Variants in SEMA5A observed in about 807,000 individuals in gnomAD.
SEMA5A encodes the protein semaphorin 5A.
SEMA5A carries 55 observed loss-of-function variants against 135.5 expected under a neutral mutation model. The ratio of observed to expected loss-of-function variants is 0.41; its 90% CI spans 0.33 to 0.51. SEMA5A has a LOEUF of 0.51. SEMA5A is among the 20% of genes least tolerant of loss of function. The probability of loss-of-function intolerance (pLI) is 0.37; values close to 1 mark genes in which losing one functional copy is unlikely to be tolerated. For synonymous variants in SEMA5A, 580 were observed against 546.5 expected (o/e 1.06, Z -0.85); for missense variants, 1,290 against 1,419.9 (o/e 0.91, Z 1.47).
chr5:9,427,394 C>T lies in SEMA5A; in HGVS notation c.-78+10362G>A, dbSNP rs74993527. 3.7e-3 allele frequency among the ~76,000 whole-genome samples: 558 copies of T among 152,036 alleles called. 9 individuals are homozygous for T. In the East Asian group the frequency reaches 0.046, roughly 13 times the overall value. On this transcript the variant is annotated intron_variant, in intron 2 of 22. Coordinates refer to ENST00000382496, the MANE Select transcript of SEMA5A (RefSeq NM_003966.3). ...CATACAACTACATATCAAGTTGAGT[C>T]GAGAAGAAAGGAATTTCAGGAAAAT...
intron 12 of SEMA5A, among the ~76,000 whole-genome samples, chr5:9,139,527 G>A (rs1741948744): frequency 6.6e-6 from 1 of 152,174 alleles, no homozygotes; most frequent in African/African-American, 2.4e-5. Context: ...TAGCATAGAT[G>A]AATATACTTT....
At chr5:9,480,194 C>T (rs1265802007) in intron 1 of SEMA5A, among the ~76,000 whole-genome samples, 1 of 152,206 alleles carries the variant, frequency 6.6e-6, no homozygotes, top group Non-Finnish European at 1.5e-5. Flanking sequence ...CCAGATGTCC[C>T]CTGAGGGCAA....
chr5:9,396,991 G>A (rs1756432608), intron 2 of SEMA5A, among the ~76,000 whole-genome samples: 1 of 151,824 alleles, frequency 6.6e-6, no homozygotes, highest in South Asian at 2.1e-4. Context: ...TACAAGCATC[G>A]TTTGGAAGCT....
rs77799093 is a variant in SEMA5A at position 9,122,753 on chromosome 5, A to T, written c.1684T>A (p.Ser562Thr). 3.1e-6 allele frequency: 5 copies of T among 1,613,736 alleles called. No homozygotes were observed. Among genetic ancestry groups the T allele is most frequent in the Non-Finnish European group, 4.2e-6 (5 of 1,179,930 alleles). The change falls in exon 14 of 23, where the codon TCC (serine) becomes ACC (threonine). Residue 562 changes from serine (S) to threonine (T), a missense_variant. Coordinates refer to ENST00000382496, the MANE Select transcript of SEMA5A (RefSeq NM_003966.3). The stretch of plus-strand genomic sequence containing the variant: ...CAGGAGCGGGTTCGACAGAGGCAGG[A>T]TCCCACGGCGCTGCCATCTGTGTGC... The part of the protein sequence containing the change: ...CTHTDGSAVG[S>T]CLCRTRSCDS...
intron 5 of SEMA5A, among the ~76,000 whole-genome samples, chr5:9,277,566 A>T (rs965872451): frequency 1.3e-5 from 2 of 152,228 alleles, no homozygotes; most frequent in Admixed American, 1.3e-4. Context: ...GAACCTACTC[A>T]AATGCCCATC....
At chr5:9,049,358 C>T (rs968432804) in intron 21 of SEMA5A, among the ~76,000 whole-genome samples, 6 of 152,088 alleles carry the variant, frequency 3.9e-5, no homozygotes, top group Non-Finnish European at 8.8e-5. Flanking sequence ...GATGGCATTT[C>T]GTCATGTTGG....
intron 15 of SEMA5A, among the ~76,000 whole-genome samples, chr5:9,117,201 T>G (rs543271743): frequency 9.8e-5 from 15 of 152,296 alleles, no homozygotes; most frequent in Non-Finnish European, 1.8e-4. Context: ...GTATGAAAAA[T>G]CCTATGTGGA....
rs532038588 is a variant in SEMA5A, at chr5:9,159,128, G to T, written c.1274-4433C>A. Among the ~76,000 whole-genome samples, 32 of 152,228 alleles carry T rather than the reference G, an allele frequency of 2.1e-4. No homozygotes were observed. In the South Asian group the frequency reaches 5.8e-3, roughly 28 times the overall value. ...TTGGCAAGCTAGTGAAGATATGTTG[G>T]ATATATGTAGCAACATATTCCTACT... On this transcript the variant is annotated intron_variant, in intron 11 of 22. Transcript: ENST00000382496.
chr5:9,494,911 G>A (rs986076056), intron 1 of SEMA5A, among the ~76,000 whole-genome samples: 2 of 152,030 alleles, frequency 1.3e-5, no homozygotes, highest in Non-Finnish European at 2.9e-5. Flanking sequence ...AGTGTTCAAG[G>A]TTCTTCCTAA....
Position 9,343,524 on chromosome 5 carries a change from C to A in SEMA5A, c.125-5712G>T, listed in dbSNP as rs1753739198. Among the ~76,000 whole-genome samples the A allele has an allele frequency of 3.3e-5, 5 of 152,070 alleles. No homozygotes were observed. The South Asian group carries it at 8.3e-4, about 25-fold the overall frequency. On this transcript the variant is annotated intron_variant, in intron 3 of 22. Coordinates refer to ENST00000382496, the MANE Select transcript of SEMA5A (RefSeq NM_003966.3). ...TTCTGGAAGTTCTTTTTTCTGACCT[C>A]TTCCTGAAGTTGTGAAAAGATCCAT...
chr5:9,215,781 T>C (rs10064043), intron 8 of SEMA5A, among the ~76,000 whole-genome samples: 4,456 of 152,268 alleles, frequency 0.029, 234 homozygotes, highest in African/African-American at 0.1. Flanking sequence ...TGGATCTTCT[T>C]TCTTTTCTTC....
chr5:9,373,017 G>T (rs954426350), intron 3 of SEMA5A, among the ~76,000 whole-genome samples: 1 of 152,164 alleles, frequency 6.6e-6, no homozygotes, highest in African/African-American at 2.4e-5. Context: ...GGCAAGAAGG[G>T]CAGTTATGAT....
At chr5:9,184,042 C>T (rs563142847) in intron 11 of SEMA5A, among the ~76,000 whole-genome samples, 11 of 152,078 alleles carry the variant, frequency 7.2e-5, no homozygotes, top group South Asian at 2.1e-4. Context: ...GAATTTAGCC[C>T]CTAATTAGTC....
chr5:9,226,079 T>A (rs747538946), intron 7 of SEMA5A, among the ~76,000 whole-genome samples: 1 of 152,174 alleles, frequency 6.6e-6, no homozygotes, highest in Admixed American at 6.5e-5. Flanking sequence ...GTGCAGCACC[T>A]AGAGAGCTCC....
At position 9,224,920 on chromosome 5, in the gene SEMA5A, C is replaced by G. The variant is rs768778796; in HGVS notation, c.433-33G>C. 2.7e-5 allele frequency: 43 copies of G among 1,583,554 alleles called. No homozygotes were observed. In the East Asian group the frequency reaches 9.7e-4, roughly 36 times the overall value. On this transcript the variant is annotated intron_variant, in intron 7 of 22. Coordinates refer to ENST00000382496, the MANE Select transcript of SEMA5A (RefSeq NM_003966.3). ...GGAGGATGAGAGGGAAAGCAGTTAT[C>G]TCTGCACAAGCCCCTTTAGTGATGC...
intron 11 of SEMA5A, among the ~76,000 whole-genome samples, chr5:9,172,359 T>C (rs1232841509): frequency 2.6e-5 from 4 of 152,214 alleles, no homozygotes; most frequent in African/African-American, 9.7e-5. Context: ...CAAGGACAAA[T>C]CAAGGCATTT....
intron 16 of SEMA5A, among the ~76,000 whole-genome samples, chr5:9,106,551 A>G (rs1739927660): frequency 2.6e-5 from 4 of 152,198 alleles, no homozygotes; most frequent in Non-Finnish European, 5.9e-5. Context: ...ATCAACCCAG[A>G]TCATCCATTC....
At chr5:9,079,817 T>C (rs1407261646) in intron 16 of SEMA5A, among the ~76,000 whole-genome samples, 2 of 152,096 alleles carry the variant, frequency 1.3e-5, no homozygotes, top group African/African-American at 4.8e-5. Flanking sequence ...CACTGGTCAC[T>C]AGAGAAATGC....
chr5:9,107,881 G>T (rs1328906190), intron 16 of SEMA5A, among the ~76,000 whole-genome samples: 1 of 152,164 alleles, frequency 6.6e-6, no homozygotes, highest in East Asian at 1.9e-4. Context: ...GGAACATCCA[G>T]TGTCTGGACA....
Sources: allele counts gnomAD v4.1 joint callset (sites outside exome capture counted in the v4.1 genomes callset), GRCh38; gene constraint gnomAD v4.1.1; transcripts MANE v1.5; gene names NCBI Gene and HGNC (gene_info 2026-07-23, HGNC 2026-07-21).